GTPBP3: variants seen among roughly 807,000 people sequenced by gnomAD.
GTPBP3 encodes 5-taurinomethyluridine-[tRNA] synthase subunit GTPB3, mitochondrial.
Under a neutral mutation model 42.0 loss-of-function variants are expected in GTPBP3, and 35 were observed. The observed-to-expected ratio is 0.83, with a 90% CI of 0.64 to 1.10. The LOEUF (loss-of-function observed/expected upper bound fraction) is 1.10, where lower values mean the gene tolerates loss of function less well. Among genes scored for constraint, GTPBP3 ranks in the 50% least tolerant of loss-of-function variants. GTPBP3 has a pLI of 0.00. For missense variants in GTPBP3, 691 were observed against 685.2 expected, an observed-to-expected ratio of 1.01 and a Z score of -0.09; for synonymous variants, 332 against 314.9, an observed-to-expected ratio of 1.05 and a Z score of -0.58.
At chr19:17,340,178 G>T (rs1446341227) in intron 7 of GTPBP3, among the ~76,000 whole-genome samples, 1 of 151,936 alleles carries the variant, frequency 6.6e-6, no homozygotes, top group Non-Finnish European at 1.5e-5. Context: ...GGGATTAGAG[G>T]CGCCCACCAC....
At chr19:17,335,160 G>T (rs970110364), upstream of GTPBP3, 8 of 1,534,916 alleles carry the variant, frequency 5.2e-6, no homozygotes, top group African/African-American at 1.4e-5. Context: ...GGGGCGGGCC[G>T]GTTGGGGAAG....
chr19:17,341,218 C>T lies in GTPBP3; in HGVS notation c.1149C>T (p.Gly383=). 6.2e-7 allele frequency: 1 copy of T among 1,609,142 alleles called. No homozygotes were observed. Among genetic ancestry groups the T allele is most frequent in the Non-Finnish European group, 8.5e-7 (1 of 1,179,946 alleles). ...LNKSDLLSPE[G]PGPGPDLPPH... is the part of the protein sequence containing the mutation. ...AGTCGGACCTGCTGTCCCCGGAGGG[C>T]CCAGGTCCCGGTCCTGACCTGCCCC... The change falls in exon 8 of 9, where the codon GGC becomes GGT. Residue 383 remains glycine (G), a synonymous_variant. Transcript: ENST00000324894.
Position 17,341,040 on chromosome 19 carries a change from G to A in GTPBP3, c.975-4G>A, listed in dbSNP as rs1156390971. 2.5e-6 allele frequency: 4 copies of A among 1,609,968 alleles called. No individual in the cohort carries two copies. Among genetic ancestry groups the A allele is most frequent in the Non-Finnish European group, 3.4e-6 (4 of 1,177,384 alleles). On this transcript the variant is annotated splice_polypyrimidine_tract_variant and splice_region_variant and intron_variant, in intron 7 of 8. Coordinates refer to ENST00000324894, the MANE Select transcript of GTPBP3 (RefSeq NM_032620.4). ...TCCCCGCTCAGTTGACCTTGCTCCC[G>A]CAGGCTAGAGCAGGCTGACCTCATT...
In GTPBP3 at chr19:17,338,001, G is replaced by T; in HGVS notation, c.54-7G>T. ...GGTGCGCTGATTCGCCTCCCCTCCG[G>T]TTCCAGATTGTGCACGCGCCGGAGC... On this transcript the variant is annotated splice_region_variant and splice_polypyrimidine_tract_variant and intron_variant, in intron 1 of 8. Transcript: ENST00000324894. 6.3e-7 allele frequency: 1 copy of T among 1,597,020 alleles called. No individual in the cohort carries two copies. Among genetic ancestry groups the T allele is most frequent in the Non-Finnish European group, 8.5e-7 (1 of 1,179,198 alleles).
rs2074426233 is a variant in GTPBP3 at position 17,341,100 on chromosome 19, C to T, written c.1031C>T (p.Pro344Leu). The stretch of plus-strand genomic sequence containing the variant: ...CTGGATGCTTCTGACCTGGCCTCTC[C>T]CTCCAGTTGCAACTTCCTGGCCACC... Reference protein sequence around the residue: ...AMLDASDLASPSSCNFLATVV... With the variant: ...AMLDASDLASLSSCNFLATVV... The change falls in exon 8 of 9, where the codon CCC becomes CTC. Residue 344 changes from proline (P) to leucine (L), a missense_variant. Coordinates refer to ENST00000324894, the MANE Select transcript of GTPBP3 (RefSeq NM_032620.4). 1.9e-6 allele frequency: 3 copies of T among 1,613,820 alleles called. No individual in the cohort carries two copies. The highest frequency in any genetic ancestry group is 3.3e-5 in the Admixed American group (2 of 60,004).
intron 7 of GTPBP3, 65 bp from the exon 8 acceptor site, chr19:17,340,979 C>G: frequency 6.4e-7 from 1 of 1,555,622 alleles, no homozygotes; most frequent in Non-Finnish European, 8.7e-7. Context: ...CTCTAACTGT[C>G]CCTCCACCCA....
At position 17,338,951 on chromosome 19, in the gene GTPBP3, C is replaced by T. The variant is rs775449994; in HGVS notation, c.592-3C>T. The T allele has an allele frequency of 1.3e-6, 2 of 1,592,528 alleles. No individual in the cohort carries two copies. The highest frequency in any genetic ancestry group is 2.3e-5 in the South Asian group (2 of 87,668). ...ACCACCTCTGCTCTCCCTGCCCCGC[C>T]AGGCTCTGGCCCACGTGGAGGCCTA... On this transcript the variant is annotated splice_region_variant and splice_polypyrimidine_tract_variant and intron_variant, in intron 4 of 8. Transcript: ENST00000324894.
chr19:17,338,137 C>G lies in GTPBP3; in HGVS notation c.183C>G (p.Ala61=). Residue 61 remains alanine (A), a synonymous_variant, in exon 2 of 9, where the codon GCC becomes GCG. Transcript: ENST00000324894. ...CCAGCGGCCCCGCCAGCGGCCACGC[C>G]CTCCGAATTCTCACAGCACCCCGAG... ...IRTSGPASGH[A]LRILTAPRDL... is the part of the protein sequence containing the mutation. The G allele has an allele frequency of 6.3e-7, 1 of 1,596,404 alleles. No individual in the cohort carries two copies.
chr19:17,337,704 T>C (rs2074380007), intron 1 of GTPBP3, 40 bp downstream of exon 1: 2 of 1,386,266 alleles, frequency 1.4e-6, no homozygotes, highest in Non-Finnish European at 1.9e-6. Context: ...CTTGGGGTGC[T>C]GCTTGGACCC....
chr19:17,341,090 C>T lies in GTPBP3; in HGVS notation c.1021C>T (p.Leu341=). 1 of 1,613,936 alleles carries T rather than the reference C, an allele frequency of 6.2e-7. No homozygotes were observed. The highest frequency in any genetic ancestry group is 8.5e-7 in the Non-Finnish European group (1 of 1,180,026). The change falls in exon 8 of 9, where the codon CTG becomes TTG. Residue 341 remains leucine, a synonymous_variant. Transcript: ENST00000324894. ...LILAMLDASD[L]ASPSSCNFLA... is the part of the protein sequence containing the mutation. The stretch of plus-strand genomic sequence containing the variant: ...TCTGGCCATGCTGGATGCTTCTGAC[C>T]TGGCCTCTCCCTCCAGTTGCAACTT...
Position 17,341,753 on chromosome 19 carries a change from G to A in GTPBP3, c.*50G>A, listed in dbSNP as rs1293958780. ...AGCTGCGTGGAGACCCAGGAGCCTC[G>A]GGGGATCTGGAAACAGTTTAGGCCA... On this transcript the variant is annotated 3_prime_UTR_variant, in exon 9 of 9. Transcript: ENST00000324894. 2 of 1,470,220 alleles carry A rather than the reference G, an allele frequency of 1.4e-6. No homozygotes were observed. The highest frequency in any genetic ancestry group is 4.6e-5 in the East Asian group (2 of 43,452). The allele number at this position is 1,470,220 out of a possible 1,614,324, so 91.1% of individuals were successfully genotyped here.
At position 17,341,856 on chromosome 19, in the gene GTPBP3, C is replaced by T; in HGVS notation, c.*153C>T. On this transcript the variant is annotated 3_prime_UTR_variant, in exon 9 of 9. Transcript: ENST00000324894. ...ACACAGCTGAGAGGTAGTGAGATCC[C>T]TGCAGGGACTCCCTGGAGATTCAGG... The T allele has an allele frequency of 1.6e-6, 1 of 626,648 alleles. No homozygotes were observed. The highest frequency in any genetic ancestry group is 2.8e-5 in the South Asian group (1 of 36,008). The allele number at this position is 626,648 out of a possible 1,614,324, so 38.8% of individuals were successfully genotyped here.
chr19:17,339,700 G>A, intron 7 of GTPBP3, 101 bp downstream of exon 7: 1 of 1,160,152 alleles, frequency 8.6e-7, no homozygotes, highest in Non-Finnish European at 1.2e-6. Context: ...CAGAGAACCT[G>A]CTAAGCCCTA....
In GTPBP3 at chr19:17,338,648, C is replaced by T; in HGVS notation, c.498C>T (p.His166=). Residue 166 remains histidine, a synonymous_variant, in exon 4 of 9, where the codon CAC becomes CAT. Transcript: ENST00000324894. ...TGGAGGGGCTGGCGGACCTTATCCA[C>T]GCGGAAACAGAGGCGCAGCGGCGGC... ...TEVEGLADLI[H]AETEAQRRQA... The T allele has an allele frequency of 6.2e-7, 1 of 1,613,932 alleles. No homozygotes were observed. Among genetic ancestry groups the T allele is most frequent in the Non-Finnish European group, 8.5e-7 (1 of 1,179,950 alleles).
At chr19:17,339,912 A>ATT (rs35014753) in intron 7 of GTPBP3, among the ~76,000 whole-genome samples, 37 of 139,844 alleles carry the variant, frequency 2.6e-4, no homozygotes, top group African/African-American at 8.1e-4. Context: ...ACGCCGAACT[A>ATT]TTTTTTTTTT....
chr19:17,334,998 G>T (rs2074354705), upstream of GTPBP3: 4 of 1,535,514 alleles, frequency 2.6e-6, no homozygotes, highest in East Asian at 2.4e-5. Flanking sequence ...GTCCCCGCCC[G>T]CACTGATGGT....
chr19:17,335,788 G>C (rs1456710034), upstream of GTPBP3, among the ~76,000 whole-genome samples: 1 of 99,158 alleles, frequency 1.0e-5, no homozygotes, highest in Admixed American at 8.3e-5. Flanking sequence ...TTCTCAATGC[G>C]AGCACACAGT....
chr19:17,341,245 G>A lies in GTPBP3; in HGVS notation c.1176G>A (p.Pro392=), dbSNP rs144236062. 2.5e-6 allele frequency: 4 copies of A among 1,606,664 alleles called. No individual in the cohort carries two copies. The highest frequency in any genetic ancestry group is 1.1e-5 in the South Asian group (1 of 91,056). ...CAGGTCCCGGTCCTGACCTGCCCCC[G>A]CACCTGCTGCTGTCCTGTCTGACGG... ...EGPGPGPDLP[P]HLLLSCLTGE... is the part of the protein sequence containing the mutation. Residue 392 remains proline, a synonymous_variant, in exon 8 of 9, where the codon CCG becomes CCA. Coordinates refer to ENST00000324894, the MANE Select transcript of GTPBP3 (RefSeq NM_032620.4).
chr19:17,336,076 A>C (rs1263063280), upstream of GTPBP3, among the ~76,000 whole-genome samples: 1 of 151,984 alleles, frequency 6.6e-6, no homozygotes, highest in East Asian at 1.9e-4. Flanking sequence ...CTCTATTAAA[A>C]ATACAAAAAA....
Sources: gnomAD v4.1 joint callset for allele counts (sites outside exome capture counted in the v4.1 genomes callset) on GRCh38, gnomAD v4.1.1 for gene constraint, MANE v1.5 for transcripts, NCBI Gene and HGNC (gene_info 2026-07-23, HGNC 2026-07-21) for gene names.